Variants in TIGD4 observed in about 807,000 individuals in gnomAD.
TIGD4 encodes tigger transposable element-derived protein 4.
In TIGD4, 20 loss-of-function variants were observed where a neutral mutation model predicts 24.9. The observed-to-expected ratio is 0.80, with a 90% CI of 0.56 to 1.17. The LOEUF is 1.17. Among genes scored for constraint, TIGD4 ranks in the 50% most tolerant of loss-of-function variants. The pLI is 0.00. For synonymous variants in TIGD4, 193 were observed against 211.0 expected (o/e 0.91, Z 0.74); for missense variants, 566 against 591.0 (o/e 0.96, Z 0.44).
intron 1 of TIGD4, among the ~76,000 whole-genome samples, chr4:152,773,196 C>T (rs1459117493): frequency 3.3e-5 from 5 of 152,230 alleles, no homozygotes; most frequent in Non-Finnish European, 7.3e-5. Context: ...ATTCTTCTTG[C>T]TGGGCTTCCT....
At position 152,770,287 on chromosome 4, in the gene TIGD4, G is replaced by T; in HGVS notation, c.718C>A (p.His240Asn). 1.2e-6 allele frequency: 2 copies of T among 1,614,018 alleles called. No individual in the cohort carries two copies. The highest frequency in any genetic ancestry group is 2.2e-5 in the South Asian group (2 of 91,052). Reference protein sequence around the residue: ...LLVIGKKRTPHCFKGLKSLPV... With the variant: ...LLVIGKKRTPNCFKGLKSLPV... ...AATGATTTTAAACCTTTGAAACAAT[G>T]TGGAGTTCTCTTTTTTCCAATGACA... Residue 240 changes from histidine to asparagine, a missense_variant, in exon 2 of 2, where the codon CAT (histidine) becomes AAT (asparagine). Transcript: ENST00000304337.
Position 152,771,148 on chromosome 4 carries a change from T to C in TIGD4, c.-144A>G. On this transcript the variant is annotated 5_prime_UTR_variant, in exon 2 of 2. Transcript: ENST00000304337. The stretch of plus-strand genomic sequence containing the variant: ...AAGTTGGTGTCTAATAGTCTTATTT[T>C]GTAGGAACTTGATGACAAAATATGC... 4.2e-6 allele frequency: 4 copies of C among 949,374 alleles called. No individual in the cohort carries two copies. Among genetic ancestry groups the C allele is most frequent in the Non-Finnish European group, 5.8e-6 (4 of 686,348 alleles). 58.8% of individuals were successfully genotyped at this position (949,374 alleles called of 1,614,324 possible).
At chr4:152,777,293 A>C (rs1394384492) in intron 1 of TIGD4, among the ~76,000 whole-genome samples, 1 of 152,246 alleles carries the variant, frequency 6.6e-6, no homozygotes, top group Non-Finnish European at 1.5e-5. Context: ...ATGAATAAAT[A>C]GCACCTGATT....
intron 1 of TIGD4, among the ~76,000 whole-genome samples, chr4:152,772,081 A>G (rs1458768107): frequency 1.3e-5 from 2 of 152,226 alleles, no homozygotes; most frequent in African/African-American, 4.8e-5. Context: ...CTAAAAGCTT[A>G]AAAACCCAAT....
At chr4:152,776,346 T>C (rs1404144354) in intron 1 of TIGD4, among the ~76,000 whole-genome samples, 1 of 152,254 alleles carries the variant, frequency 6.6e-6, no homozygotes, top group Non-Finnish European at 1.5e-5. Flanking sequence ...TTCCTCTTTA[T>C]AGTTAAAAAC....
Position 152,770,880 on chromosome 4 carries a change from A to C in TIGD4, c.125T>G (p.Ile42Ser). The change falls in exon 2 of 2, where the codon ATT becomes AGT. Residue 42 changes from isoleucine to serine, a missense_variant. By Grantham distance (142) the Ile-to-Ser change is moderately radical. Coordinates refer to ENST00000304337, the MANE Select transcript of TIGD4 (RefSeq NM_145720.4). Reference protein sequence around the residue: ...AVESGKKKAEIAAEYGIKKNS... With the variant: ...AVESGKKKAESAAEYGIKKNS... ...TTTCTTTATTCCATATTCAGCAGCA[A>C]TCTCTGCTTTTTTCTTGCCACTTTC... 1 of 1,613,884 alleles carries C rather than the reference A, an allele frequency of 6.2e-7. No homozygotes were observed. The highest frequency in any genetic ancestry group is 1.1e-5 in the South Asian group (1 of 91,072).
Position 152,769,476 on chromosome 4 carries a change from G to T in TIGD4, c.1529C>A (p.Ser510Ter). 6.5e-7 allele frequency: 1 copy of T among 1,534,124 alleles called. No individual in the cohort carries two copies. The highest frequency in any genetic ancestry group is 8.8e-7 in the Non-Finnish European group (1 of 1,135,574). Residue 510 changes from serine (S) to a stop codon, truncating the protein, a stop_gained, in exon 2 of 2, where the codon TCA becomes TAA. Coordinates refer to ENST00000304337, the MANE Select transcript of TIGD4 (RefSeq NM_145720.4). LOFTEE classifies it high-confidence loss of function. ...ADLENFINSL[S>*]PK ...ATGTACAATACATAGTTACTTAGGT[G>T]ATAAAGAGTTAATAAAATTTTCAAG...
At chr4:152,774,025 TCCTTCCTTC>T (rs1376780122) in intron 1 of TIGD4, among the ~76,000 whole-genome samples, 1 of 151,926 alleles carries the variant, frequency 6.6e-6, no homozygotes, top group Non-Finnish European at 1.5e-5. Context: ...CTTTTTTCTT[TCCTTCCTTC>T]CCTTCCTTCC....
intron 1 of TIGD4, among the ~76,000 whole-genome samples, chr4:152,779,043 C>T (rs745642813): frequency 2.6e-5 from 4 of 152,122 alleles, no homozygotes; most frequent in African/African-American, 9.7e-5. Flanking sequence ...GTCTATCTAG[C>T]GCCACGGGGG....
rs1199514915 is a variant in TIGD4, at chr4:152,769,399, C to T, written c.*67G>A. On this transcript the variant is annotated 3_prime_UTR_variant, in exon 2 of 2. Coordinates refer to ENST00000304337, the MANE Select transcript of TIGD4 (RefSeq NM_145720.4). Reference sequence around the variant, plus strand: ...ATGTTTAAGTGGTGTGGTACAACTCCTTTACATACCTTATATAATAAAATG... The same window carrying T: ...ATGTTTAAGTGGTGTGGTACAACTCTTTTACATACCTTATATAATAAAATG... 2 of 1,182,740 alleles carry T rather than the reference C, an allele frequency of 1.7e-6. No individual in the cohort carries two copies. Among genetic ancestry groups the T allele is most frequent in the East Asian group, 5.0e-5 (2 of 39,822 alleles). 73.3% of individuals were successfully genotyped at this position (1,182,740 alleles called of 1,614,324 possible).
intron 1 of TIGD4, among the ~76,000 whole-genome samples, chr4:152,778,831 C>T (rs1411626040): frequency 6.6e-6 from 1 of 152,178 alleles, no homozygotes; most frequent in Non-Finnish European, 1.5e-5. Flanking sequence ...TTGTCAGCTA[C>T]TGTGACAAGT....
chr4:152,769,892 AAT>A lies in TIGD4; in HGVS notation c.1111_1112del (p.Ile371CysfsTer2), dbSNP rs1730131819. ...LCWRAVTPETIVKSYEEAGFK... is the reference protein window; with the variant it reads ...LCWRAVTPETXVKSYEEAGFK... ...ATCCTGCCTCTTCATAGCTTTTAACAATAGTCTCTGGGGTTACAGCCCTCCAG... is the reference window on the plus strand; with the variant it reads ...ATCCTGCCTCTTCATAGCTTTTAACAAGTCTCTGGGGTTACAGCCCTCCAG... On this transcript the variant is annotated frameshift_variant, in exon 2 of 2. Coordinates refer to ENST00000304337, the MANE Select transcript of TIGD4 (RefSeq NM_145720.4). LOFTEE classifies it low-confidence loss of function (END_TRUNC). 6.2e-7 allele frequency: 1 copy of A among 1,613,580 alleles called. No individual in the cohort carries two copies. Among genetic ancestry groups the A allele is most frequent in the Non-Finnish European group, 8.5e-7 (1 of 1,179,636 alleles).
intron 1 of TIGD4, among the ~76,000 whole-genome samples, chr4:152,777,474 C>T (rs1730277420): frequency 1.3e-5 from 2 of 150,216 alleles, no homozygotes; most frequent in African/African-American, 2.5e-5. Context: ...AATGAGCAGG[C>T]AGGGTCCCCC....
At chr4:152,776,674 G>A (rs1364713946) in intron 1 of TIGD4, among the ~76,000 whole-genome samples, 1 of 152,138 alleles carries the variant, frequency 6.6e-6, no homozygotes, top group African/African-American at 2.4e-5. Flanking sequence ...TGGTATTCTT[G>A]AACTTGCCTG....
At chr4:152,773,732 T>C (rs1435343861) in intron 1 of TIGD4, among the ~76,000 whole-genome samples, 1 of 150,446 alleles carries the variant, frequency 6.6e-6, no homozygotes, top group Non-Finnish European at 1.5e-5. Context: ...AGCAACTCTA[T>C]CTGTCAGCGA....
At chr4:152,774,605 C>A (rs1730232033) in intron 1 of TIGD4, among the ~76,000 whole-genome samples, 1 of 152,094 alleles carries the variant, frequency 6.6e-6, no homozygotes, top group Non-Finnish European at 1.5e-5. Context: ...AATATTTTCT[C>A]TATGTCAATG....
rs1371240419 is a variant in TIGD4 at position 152,770,945 on chromosome 4, G to T, written c.60C>A (p.Ser20Arg). The change falls in exon 2 of 2, where the codon AGC becomes AGA. Residue 20 changes from serine (S) to arginine (R), a missense_variant. Coordinates refer to ENST00000304337, the MANE Select transcript of TIGD4 (RefSeq NM_145720.4). ...TLPVTVKKKK[S>R]LSIEEKIDII... ...TGTCGATCTTTTCCTCAATGGATAG[G>T]CTTTTCTTTTTCTTCACTGTTACAG... The T allele has an allele frequency of 6.2e-7, 1 of 1,612,582 alleles. No individual in the cohort carries two copies. Among genetic ancestry groups the T allele is most frequent in the East Asian group, 2.2e-5 (1 of 44,872 alleles).
chr4:152,773,129 GATA>G (rs1730205699), intron 1 of TIGD4, among the ~76,000 whole-genome samples: 1 of 152,198 alleles, frequency 6.6e-6, no homozygotes, highest in South Asian at 2.1e-4. Context: ...GGGCAGCCAA[GATA>G]ATAACAAGCT....
chr4:152,773,409 G>T (rs528622399), intron 1 of TIGD4, among the ~76,000 whole-genome samples: 1 of 152,090 alleles, frequency 6.6e-6, no homozygotes, highest in South Asian at 2.1e-4. Context: ...GTTTTTAAAT[G>T]GTTTTACTAC....
Sources: allele counts gnomAD v4.1 joint callset (sites outside exome capture counted in the v4.1 genomes callset), GRCh38; gene constraint gnomAD v4.1.1; transcripts MANE v1.5; gene names NCBI Gene and HGNC (gene_info 2026-07-23, HGNC 2026-07-21).